The following TRPM3 variants were observed in gnomAD, a reference collection of about 807,000 sequenced individuals.
TRPM3 encodes long transient receptor potential channel 3.
In TRPM3, 77 loss-of-function variants were observed where a neutral mutation model predicts 181.2. The ratio of observed to expected loss-of-function variants is 0.42; its 90% CI spans 0.35 to 0.51. TRPM3 has a LOEUF of 0.51. TRPM3 is among the 20% of genes least tolerant of loss of function. TRPM3 has a pLI of 0.01. For missense variants in TRPM3, 1,759 were observed against 2,196.7 expected (o/e 0.80, Z 3.98); for synonymous variants, 745 against 796.4 (o/e 0.94, Z 1.09).
chr9:70,921,404 A>C (rs2096651730), intron 1 of TRPM3, among the ~76,000 whole-genome samples: 1 of 152,226 alleles, frequency 6.6e-6, no homozygotes, highest in African/African-American at 2.4e-5. Context: ...CAAAATGCTA[A>C]CTCATCCATG....
chr9:71,258,271 A>T (rs2082800496), intron 1 of TRPM3, among the ~76,000 whole-genome samples: 1 of 152,170 alleles, frequency 6.6e-6, no homozygotes, highest in Admixed American at 6.5e-5. Flanking sequence ...ACTGAGGTTA[A>T]GTTCATGCTG....
chr9:70,555,698 G>C (rs191476865), intron 22 of TRPM3, among the ~76,000 whole-genome samples: 33 of 152,210 alleles, frequency 2.2e-4, no homozygotes, highest in Admixed American at 2.2e-3. Flanking sequence ...TACCCACTTG[G>C]CCACAGGCCT....
intron 1 of TRPM3, among the ~76,000 whole-genome samples, chr9:71,006,492 G>T (rs1315464156): frequency 6.6e-6 from 1 of 151,776 alleles, no homozygotes; most frequent in African/African-American, 2.4e-5. Context: ...AAAGTGAAGG[G>T]ATGAAAAAAC....
chr9:71,371,481 T>C (rs1199436966), intron 1 of TRPM3, among the ~76,000 whole-genome samples: 2 of 152,214 alleles, frequency 1.3e-5, no homozygotes, highest in Non-Finnish European at 2.9e-5. Context: ...ACTACAGATG[T>C]AGTAGAACAG....
chr9:71,044,124 C>A (rs1215285298), intron 1 of TRPM3, among the ~76,000 whole-genome samples: 14 of 152,236 alleles, frequency 9.2e-5, no homozygotes, highest in African/African-American at 2.6e-4. Context: ...TCTGATTCAT[C>A]TCTATGATCT....
At chr9:70,881,827 CTGT>C (rs1443358569) in intron 1 of TRPM3, among the ~76,000 whole-genome samples, 1 of 152,164 alleles carries the variant, frequency 6.6e-6, no homozygotes, top group East Asian at 1.9e-4. Flanking sequence ...ATCAACTTTT[CTGT>C]TGTTTCCTGA....
intron 22 of TRPM3, among the ~76,000 whole-genome samples, chr9:70,576,585 G>A (rs955695359): frequency 4.6e-5 from 7 of 151,420 alleles, no homozygotes; most frequent in Admixed American, 1.3e-4. Flanking sequence ...TGCGATCTCG[G>A]CTCACTGCAA....
In TRPM3 at chr9:70,898,747, CAAAAAAAAA is replaced by C. The variant is rs34952516; in HGVS notation, c.178-34245_178-34237del. ...TGGGCAAAAGAGTGAGACTTCATCT[CAAAAAAAAA>C]AAAAAAAAAAGAAAAGAAAAGAAAA... On this transcript the variant is annotated intron_variant, in intron 1 of 25. Transcript: ENST00000677713. Among the ~76,000 whole-genome samples the C allele has an allele frequency of 2.9e-4, 27 of 93,320 alleles. 2 individuals are homozygous for C. The South Asian group carries it at 9.9e-3, about 34-fold the overall frequency. 61.2% of individuals were successfully genotyped at this position (93,320 alleles called of 152,430 possible). A position where few individuals can be genotyped will look rare whatever the true frequency, so the allele number is the denominator to read the frequency against.
chr9:71,365,020 T>C (rs923307698), intron 1 of TRPM3, among the ~76,000 whole-genome samples: 1 of 152,172 alleles, frequency 6.6e-6, no homozygotes, highest in Non-Finnish European at 1.5e-5. Flanking sequence ...AAAGACCCGA[T>C]GTTAGTCACA....
At chr9:71,267,879 A>G (rs1277964392) in intron 1 of TRPM3, among the ~76,000 whole-genome samples, 1 of 152,076 alleles carries the variant, frequency 6.6e-6, no homozygotes, top group African/African-American at 2.4e-5. Flanking sequence ...CTTCCTGGCT[A>G]CTGTTACCAT....
intron 1 of TRPM3, among the ~76,000 whole-genome samples, chr9:70,892,052 G>A (rs2096212036): frequency 6.6e-6 from 1 of 152,098 alleles, no homozygotes; most frequent in South Asian, 2.1e-4. Context: ...CTAGAATTCC[G>A]TGGTTGGAGC....
At chr9:71,081,098 C>T (rs1044813705) in intron 1 of TRPM3, among the ~76,000 whole-genome samples, 10 of 152,246 alleles carry the variant, frequency 6.6e-5, no homozygotes, top group East Asian at 3.9e-4. Flanking sequence ...CCCCTCTCCT[C>T]GCTCCCACCT....
chr9:70,960,536 T>C (rs745844297), intron 1 of TRPM3, among the ~76,000 whole-genome samples: 2 of 152,200 alleles, frequency 1.3e-5, no homozygotes, highest in Non-Finnish European at 2.9e-5. Flanking sequence ...AGCATGATGA[T>C]AATTCCTCAG....
intron 8 of TRPM3, among the ~76,000 whole-genome samples, chr9:70,747,456 G>A (rs1381856199): frequency 1.3e-5 from 2 of 152,132 alleles, no homozygotes; most frequent in African/African-American, 2.4e-5. Context: ...CCATAAAGAA[G>A]CAATGGAATT....
rs182328011 is a variant in TRPM3, at chr9:70,868,169, A to G, written c.178-3658T>C. ...AACCTCTCTGTATATTCTTTTCTAA[A>G]GGTAGAATGGTCACATAACCATGAC... On this transcript the variant is annotated intron_variant, in intron 1 of 25. Coordinates refer to ENST00000677713, the MANE Select transcript of TRPM3 (RefSeq NM_001366145.2). Among the ~76,000 whole-genome samples, 9 of 152,140 alleles carry G rather than the reference A, an allele frequency of 5.9e-5. No homozygotes were observed. In the East Asian group the frequency reaches 1.6e-3, roughly 26 times the overall value.
chr9:70,779,325 T>G (rs1312235342), intron 7 of TRPM3, among the ~76,000 whole-genome samples: 3 of 152,142 alleles, frequency 2.0e-5, no homozygotes, highest in South Asian at 2.1e-4. Context: ...CTGCTTTTTG[T>G]CCTAAAGTAT....
At chr9:70,685,671 T>C (rs1175181040) in intron 8 of TRPM3, among the ~76,000 whole-genome samples, 1 of 152,216 alleles carries the variant, frequency 6.6e-6, no homozygotes, top group Admixed American at 6.5e-5. Flanking sequence ...CCTCTCAAAG[T>C]GTTGGGATTA....
intron 1 of TRPM3, among the ~76,000 whole-genome samples, chr9:71,222,936 T>A (rs1489577218): frequency 6.6e-6 from 1 of 152,100 alleles, no homozygotes; most frequent in African/African-American, 2.4e-5. Context: ...TAAAGTGCTC[T>A]GGGGCTCCAA....
intron 1 of TRPM3, among the ~76,000 whole-genome samples, chr9:70,942,249 TCAAA>T (rs1422141619): frequency 2.0e-5 from 3 of 152,170 alleles, no homozygotes; most frequent in African/African-American, 4.8e-5. Flanking sequence ...CTTAGGACTC[TCAAA>T]CAAACAGTTA....
Sources: gnomAD v4.1 joint callset for allele counts (sites outside exome capture counted in the v4.1 genomes callset) on GRCh38, gnomAD v4.1.1 for gene constraint, MANE v1.5 for transcripts, NCBI Gene and HGNC (gene_info 2026-07-23, HGNC 2026-07-21) for gene names.